Variants in MYO5A observed in about 807,000 individuals in gnomAD.
MYO5A encodes myosin VA, also known as unconventional myosin-Va.
MYO5A carries 98 observed loss-of-function variants against 249.7 expected under a neutral mutation model. That is an observed-to-expected ratio of 0.39 (90% confidence interval 0.33 to 0.46). MYO5A has a LOEUF of 0.46. Among genes scored for constraint, MYO5A ranks in the 20% least tolerant of loss-of-function variants. The pLI, the probability that MYO5A is intolerant of heterozygous loss-of-function variation, is 0.98. For missense variants in MYO5A, 1,696 were observed against 2,308.8 expected (o/e 0.73, Z 5.44); for synonymous variants, 778 against 810.6 (o/e 0.96, Z 0.68).
At chr15:52,474,032 T>C (rs560076324) in intron 1 of MYO5A, among the ~76,000 whole-genome samples, 1 of 152,344 alleles carries the variant, frequency 6.6e-6, no homozygotes, top group South Asian at 2.1e-4. Flanking sequence ...GAGCATGGAA[T>C]GTTCTTCCAT....
chr15:52,346,775 A>AT lies in MYO5A; in HGVS notation c.3859-315_3859-314insA, dbSNP rs1419738512. Among the ~76,000 whole-genome samples the AT allele has an allele frequency of 5.8e-4, 77 of 132,140 alleles. 1 individual carries two copies. The highest frequency in any genetic ancestry group is 3.0e-3 in the African/African-American group (71 of 24,062). The allele number at this position is 132,140 out of a possible 152,430, so 86.7% of individuals were successfully genotyped here. A position where few individuals can be genotyped will look rare whatever the true frequency, so the allele number is the denominator to read the frequency against. On this transcript the variant is annotated intron_variant, in intron 29 of 41. Transcript: ENST00000399233. ...ATGTGTTTTACATTATGTGAAAAAA[A>AT]ATATATATATATTTTATAAAGTATA...
intron 1 of MYO5A, among the ~76,000 whole-genome samples, chr15:52,506,733 G>A (rs1056108519): frequency 1.3e-5 from 2 of 152,092 alleles, no homozygotes; most frequent in Non-Finnish European, 2.9e-5. Context: ...TACACAGGTG[G>A]CTGAGGTGTG....
chr15:52,459,107 C>A (rs1363704991), intron 1 of MYO5A, among the ~76,000 whole-genome samples: 3 of 140,674 alleles, frequency 2.1e-5, no homozygotes, highest in African/African-American at 7.9e-5. Flanking sequence ...TCAAGCAATT[C>A]TCTGGCCTCA....
chr15:52,407,263 T>C, intron 8 of MYO5A, 29 bp downstream of exon 8: 1 of 1,529,676 alleles, frequency 6.5e-7, no homozygotes, highest in African/African-American at 1.4e-5. Context: ...GCTATTCCTC[T>C]TAAGAGCTCA....
At chr15:52,313,897 T>G in intron 41 of MYO5A, 49 bp from the exon 42 acceptor site, 1 of 1,603,072 alleles carries the variant, frequency 6.2e-7, no homozygotes, top group South Asian at 1.1e-5. Flanking sequence ...TCTTTGAATC[T>G]AAAAGACTTT....
chr15:52,395,584 T>C (rs2042453423), intron 11 of MYO5A, among the ~76,000 whole-genome samples: 1 of 152,170 alleles, frequency 6.6e-6, no homozygotes, highest in African/African-American at 2.4e-5. Context: ...ATATTCCAAC[T>C]CATTTAATCC....
At chr15:52,481,712 G>T (rs1037554513) in intron 1 of MYO5A, among the ~76,000 whole-genome samples, 2 of 152,170 alleles carry the variant, frequency 1.3e-5, no homozygotes, top group African/African-American at 4.8e-5. Context: ...TAAAGATGTG[G>T]AACAGGATAA....
intron 1 of MYO5A, among the ~76,000 whole-genome samples, chr15:52,440,979 A>T (rs958449980): frequency 2.0e-5 from 3 of 152,236 alleles, no homozygotes; most frequent in African/African-American, 7.2e-5. Flanking sequence ...TTTATGTCAC[A>T]ATTCAATCAA....
chr15:52,396,446 T>G, intron 10 of MYO5A, 49 bp from the exon 11 acceptor site: 1 of 1,097,330 alleles, frequency 9.1e-7, no homozygotes, highest in South Asian at 1.3e-5. Flanking sequence ...AACAAAAAGC[T>G]TTTTAAAAAT....
intron 1 of MYO5A, among the ~76,000 whole-genome samples, chr15:52,513,166 C>G (rs1338478871): frequency 6.6e-6 from 1 of 151,838 alleles, no homozygotes; most frequent in Non-Finnish European, 1.5e-5. Flanking sequence ...TGCGGTGGCT[C>G]ACACCCGTAA....
At position 52,321,396 on chromosome 15, in the gene MYO5A, G is replaced by C. The variant is rs56219052; in HGVS notation, c.4914C>G (p.Leu1638=). ...GAAGGATGTTCTCTAACACCCGCAC[G>C]AGCTGCTGGTAGATCTGAATGGCCA... The part of the protein sequence containing the change: ...SDLAIQIYQQ[L]VRVLENILQP... The change falls in exon 38 of 42, where the codon CTC becomes CTG. Residue 1638 remains leucine (L), a synonymous_variant. Coordinates refer to ENST00000399233, the MANE Select transcript of MYO5A (RefSeq NM_001382347.1). 5.1e-3 allele frequency: 8,265 copies of C among 1,614,152 alleles called. 67 individuals carry two copies. Among genetic ancestry groups the C allele is most frequent in the Admixed American group, 0.034 (2,035 of 60,018 alleles).
At chr15:52,336,679 G>C (rs2039136450) in intron 33 of MYO5A, 123 bp from the exon 34 acceptor site, 1 of 757,668 alleles carries the variant, frequency 1.3e-6, no homozygotes, top group Admixed American at 2.4e-5. Flanking sequence ...CTCATTGGTG[G>C]AGCCACCACC....
At chr15:52,446,263 C>A (rs1595699015) in intron 1 of MYO5A, among the ~76,000 whole-genome samples, 1 of 152,238 alleles carries the variant, frequency 6.6e-6, no homozygotes, top group African/African-American at 2.4e-5. Flanking sequence ...GCTGGCTGCT[C>A]CAGCTCCAGC....
At chr15:52,449,158 G>A (rs568593841) in intron 1 of MYO5A, among the ~76,000 whole-genome samples, 8 of 151,460 alleles carry the variant, frequency 5.3e-5, no homozygotes, top group South Asian at 2.1e-4. Context: ...TAGTAGAGAC[G>A]GGGTTTCACC....
intron 1 of MYO5A, among the ~76,000 whole-genome samples, chr15:52,438,441 C>T (rs1183929932): frequency 6.6e-6 from 1 of 152,118 alleles, no homozygotes; most frequent in African/African-American, 2.4e-5. Context: ...TAACCCTGGC[C>T]AAAGTGAATC....
intron 38 of MYO5A, 115 bp from the exon 39 acceptor site, chr15:52,319,457 G>C (rs2038197220): frequency 8.5e-7 from 1 of 1,176,702 alleles, no homozygotes; most frequent in South Asian, 1.2e-5. Context: ...GCTGGGCACG[G>C]TGGCTCACAT....
At chr15:52,497,731 T>A (rs1394894386) in intron 1 of MYO5A, among the ~76,000 whole-genome samples, 1 of 116,716 alleles carries the variant, frequency 8.6e-6, no homozygotes, top group African/African-American at 3.5e-5. Flanking sequence ...CACTCCAGCC[T>A]GGGCAACAGA....
intron 1 of MYO5A, among the ~76,000 whole-genome samples, chr15:52,515,746 G>T (rs968677228): frequency 2.0e-5 from 3 of 152,100 alleles, no homozygotes; most frequent in African/African-American, 7.2e-5. Flanking sequence ...TAGGTTTGTA[G>T]GAAGAGCAAG....
At chr15:52,326,522 T>C (rs1410375289) in intron 36 of MYO5A, among the ~76,000 whole-genome samples, 1 of 152,166 alleles carries the variant, frequency 6.6e-6, no homozygotes, top group African/African-American at 2.4e-5. Context: ...AACCAGCATT[T>C]ATCAAAAGTT....
Sources: gnomAD v4.1 joint callset for allele counts (sites outside exome capture counted in the v4.1 genomes callset) on GRCh38, gnomAD v4.1.1 for gene constraint, MANE v1.5 for transcripts, NCBI Gene and HGNC (gene_info 2026-07-23, HGNC 2026-07-21) for gene names.